Variants in IFRD2 observed in about 807,000 individuals in gnomAD.
IFRD2 encodes interferon-related developmental regulator 2.
IFRD2 carries 35 observed loss-of-function variants against 49.2 expected under a neutral mutation model. The ratio of observed to expected loss-of-function variants is 0.71; its 90% confidence interval spans 0.54 to 0.94. The LOEUF is 0.94. IFRD2 is among the 40% of genes least tolerant of loss of function. The pLI, the probability that IFRD2 is intolerant of heterozygous loss-of-function variation, is 0.00. For missense variants in IFRD2, 561 were observed against 591.6 expected, an observed-to-expected ratio of 0.95 and a Z score of 0.54; for synonymous variants, 275 against 239.7, an observed-to-expected ratio of 1.15 and a Z score of -1.36.
In IFRD2 at chr3:50,290,306, C is replaced by T. The variant is rs782472574; in HGVS notation, c.264-12G>A. Reference sequence around the variant, plus strand: ...GCCGGGTCTTGGCACTGGGGGAGGTCGAGAAGGGGGGTCATATGGGCCAGC... The same window carrying T: ...GCCGGGTCTTGGCACTGGGGGAGGTTGAGAAGGGGGGTCATATGGGCCAGC... On this transcript the variant is annotated splice_polypyrimidine_tract_variant and intron_variant, in intron 3 of 11. Coordinates refer to ENST00000417626, the MANE Select transcript of IFRD2 (RefSeq NM_006764.5). 69 of 1,608,444 alleles carry T rather than the reference C, an allele frequency of 4.3e-5. No individual in the cohort carries two copies. In the Middle Eastern group the frequency reaches 4.9e-4, roughly 12 times the overall value.
chr3:50,289,886 G>A (rs782393663), intron 5 of IFRD2, 43 bp downstream of exon 5: 2 of 1,610,054 alleles, frequency 1.2e-6, no homozygotes, highest in Non-Finnish European at 1.7e-6. Context: ...TCTGCTGAGG[G>A]ATAAGGTGCA....
rs1437989274 is a variant in IFRD2 at position 50,292,205 on chromosome 3, C to G, written c.58+12G>C. The stretch of plus-strand genomic sequence containing the variant: ...GCTCATACAGCTGTCCCGCGCCCCC[C>G]ACCCCACTCACCTCCTCCACGGCGC... On this transcript the variant is annotated intron_variant, in intron 1 of 11. Coordinates refer to ENST00000417626, the MANE Select transcript of IFRD2 (RefSeq NM_006764.5). 2.1e-6 allele frequency: 3 copies of G among 1,455,906 alleles called. No individual in the cohort carries two copies. Among genetic ancestry groups the G allele is most frequent in the African/African-American group, 2.9e-5 (2 of 69,170 alleles). 90.2% of individuals were successfully genotyped at this position (1,455,906 alleles called of 1,614,324 possible).
Position 50,289,265 on chromosome 3 carries a change from C to G in IFRD2, c.875G>C (p.Arg292Pro). 2 of 1,575,964 alleles carry G rather than the reference C, an allele frequency of 1.3e-6. No homozygotes were observed. The highest frequency in any genetic ancestry group is 1.7e-6 in the Non-Finnish European group (2 of 1,161,064). The stretch of plus-strand genomic sequence containing the variant: ...CCTTGTCCCTCGCACCTCAAGGTCC[C>G]GGGCAAGCTCAAAGAGCAGTGCAAT... ...ETIALLFELARDLEEEFVYED... is the reference protein window; with the variant it reads ...ETIALLFELAPDLEEEFVYED... Residue 292 changes from arginine (R) to proline (P), a missense_variant, in exon 8 of 12, where the codon CGG becomes CCG. Physicochemically the swap from Arg to Pro is moderately radical, Grantham distance 103. Transcript: ENST00000417626.
In IFRD2 at chr3:50,290,661, T is replaced by C; in HGVS notation, c.77A>G (p.Gln26Arg). The C allele has an allele frequency of 6.2e-7, 1 of 1,613,832 alleles. No individual in the cohort carries two copies. Among genetic ancestry groups the C allele is most frequent in the Non-Finnish European group, 8.5e-7 (1 of 1,179,834 alleles). ...RRGGGARSSA[Q>R]ADSGSSDDEA... is the part of the protein sequence containing the mutation. ...ATCGTCACTGGAACCCGAGTCAGCT[T>C]GGGCACTGCTCCGGGCACCTGGAGA... is the stretch of plus-strand genomic sequence containing the variant. Residue 26 changes from glutamine to arginine, a missense_variant, in exon 2 of 12, where the codon CAA becomes CGA. Physicochemically the swap from Gln to Arg is conservative, Grantham distance 43. Transcript: ENST00000417626.
intron 5 of IFRD2, 27 bp downstream of exon 5, chr3:50,289,902 G>A: frequency 6.2e-7 from 1 of 1,611,890 alleles, no homozygotes; most frequent in Non-Finnish European, 8.5e-7. Context: ...GTGCAGGAAG[G>A]GTTTCATGGG....
At chr3:50,290,891 T>C (rs1701660066) in intron 1 of IFRD2, among the ~76,000 whole-genome samples, 1 of 152,100 alleles carries the variant, frequency 6.6e-6, no homozygotes, top group Non-Finnish European at 1.5e-5. Context: ...TTGGCTGCTG[T>C]GGCAGAGTTT....
chr3:50,292,260 A>ACGGGCGCGAGGCATGCCGGGAAC lies in IFRD2; in HGVS notation c.-9_14dup (p.Lys6PhefsTer80), dbSNP rs1701692851. The ACGGGCGCGAGGCATGCCGGGAAC allele has an allele frequency of 6.5e-7, 1 of 1,535,104 alleles. No homozygotes were observed. The highest frequency in any genetic ancestry group is 1.2e-5 in the South Asian group (1 of 80,196). On this transcript the variant is annotated frameshift_variant, in exon 1 of 12. Transcript: ENST00000417626. LOFTEE classifies it high-confidence loss of function. Reference sequence around the variant, plus strand: ...CACCCTTCCGGAGCGTGTTGCCCTTACGGGCGCGAGGCATGCCGGGAACCG... The same window carrying ACGGGCGCGAGGCATGCCGGGAAC: ...CACCCTTCCGGAGCGTGTTGCCCTTACGGGCGCGAGGCATGCCGGGAACCGGGCGCGAGGCATGCCGGGAACCG...
chr3:50,291,719 A>G (rs2109277954), intron 1 of IFRD2: 1 of 158,112 alleles, frequency 6.3e-6, no homozygotes, highest in Admixed American at 6.4e-5. Context: ...TCCTGGTCTA[A>G]GCTGATAAGC....
chr3:50,289,587 G>A lies in IFRD2; in HGVS notation c.639C>T (p.Ser213=), dbSNP rs1369000857. 6.3e-6 allele frequency: 10 copies of A among 1,591,560 alleles called. No individual in the cohort carries two copies. In the Admixed American group the frequency reaches 1.4e-4, roughly 23 times the overall value. The change falls in exon 7 of 12, where the codon AGC becomes AGT. Residue 213 remains serine, a synonymous_variant. Coordinates refer to ENST00000417626, the MANE Select transcript of IFRD2 (RefSeq NM_006764.5). ...AGCTGCCCCCCAAGCCATAGAACCGGCTGAAAACACTTTCTAAGCAGGCAA... is the reference window on the plus strand; with the variant it reads ...AGCTGCCCCCCAAGCCATAGAACCGACTGAAAACACTTTCTAAGCAGGCAA... ...SCLACLESVF[S]RFYGLGGSST... is the part of the protein sequence containing the mutation.
chr3:50,288,363 A>G (rs782169802), intron 11 of IFRD2, 46 bp downstream of exon 11: 7 of 1,604,730 alleles, frequency 4.4e-6, no homozygotes. Context: ...CCAGGCCTCC[A>G]GGAAATGGGA....
Position 50,288,208 on chromosome 3 carries a change from G to A in IFRD2, c.1312C>T (p.Arg438Trp), listed in dbSNP as rs782068423. The A allele has an allele frequency of 9.3e-6, 15 of 1,613,646 alleles. No homozygotes were observed. Among genetic ancestry groups the A allele is most frequent in the South Asian group, 4.4e-5 (4 of 91,044 alleles). Residue 438 changes from arginine (R) to tryptophan (W), a missense_variant, in exon 12 of 12, where the codon CGG becomes TGG. Coordinates refer to ENST00000417626, the MANE Select transcript of IFRD2 (RefSeq NM_006764.5). ...GTCCTGCTTCACAGGATGTCTGCCC[G>A]CTTGTCCCGCACACGGCTTCGAGCC... ...TKARSRVRDK[R>W]ADIL
chr3:50,289,895 C>T (rs781953639), intron 5 of IFRD2, 34 bp downstream of exon 5: 1 of 1,611,248 alleles, frequency 6.2e-7, no homozygotes, highest in Non-Finnish European at 8.5e-7. Flanking sequence ...GGATAAGGTG[C>T]AGGAAGGGTT....
intron 11 of IFRD2, 66 bp from the exon 12 acceptor site, chr3:50,288,337 C>T (rs1448365768): frequency 1.9e-6 from 3 of 1,602,272 alleles, no homozygotes; most frequent in African/African-American, 1.3e-5. Context: ...GGTCCTCTTC[C>T]GGCCTCTACA....
Position 50,288,507 on chromosome 3 carries a change from G to C in IFRD2, c.1153-3C>G, listed in dbSNP as rs782456838. 1 of 1,613,850 alleles carries C rather than the reference G, an allele frequency of 6.2e-7. No individual in the cohort carries two copies. Among genetic ancestry groups the C allele is most frequent in the Admixed American group, 1.7e-5 (1 of 59,998 alleles). On this transcript the variant is annotated splice_polypyrimidine_tract_variant and splice_region_variant and intron_variant, in intron 10 of 11. Coordinates refer to ENST00000417626, the MANE Select transcript of IFRD2 (RefSeq NM_006764.5). ...ATGTCACGGAGTAGCTCATTGTTCT[G>C]GGGGGCAGAGGGCAGTGAGCTCAGG...
At chr3:50,290,837 T>C (rs1156305568) in intron 1 of IFRD2, among the ~76,000 whole-genome samples, 158 bp from the exon 2 acceptor site, 2 of 152,112 alleles carry the variant, frequency 1.3e-5, no homozygotes, top group Middle Eastern at 3.2e-3. Flanking sequence ...GGTGCACTCC[T>C]GTGTGTGGGG....
rs587735654 is a variant in IFRD2, at chr3:50,288,887, A to T, written c.936T>A (p.Thr312=). 13 of 1,613,470 alleles carry T rather than the reference A, an allele frequency of 8.1e-6. No individual in the cohort carries two copies. In the East Asian group the frequency reaches 1.3e-4, roughly 17 times the overall value. ...DMEALCSVLR[T]LATDSNKYRA... The stretch of plus-strand genomic sequence containing the variant: ...GGTACTTGTTACTGTCAGTGGCCAG[A>T]GTGCGCAGGACACTGCAGAGGGCCT... Residue 312 remains threonine (T), a synonymous_variant, in exon 9 of 12, where the codon ACT becomes ACA. Coordinates refer to ENST00000417626, the MANE Select transcript of IFRD2 (RefSeq NM_006764.5).
chr3:50,289,682 C>T, intron 6 of IFRD2, 30 bp downstream of exon 6: 1 of 1,596,188 alleles, frequency 6.3e-7, no homozygotes, highest in Non-Finnish European at 8.5e-7. Flanking sequence ...GCCCTAGATG[C>T]TCTACCACCT....
intron 1 of IFRD2, 37 bp from the exon 2 acceptor site, chr3:50,290,716 A>G (rs782785157): frequency 6.2e-7 from 1 of 1,606,276 alleles, no homozygotes; most frequent in Non-Finnish European, 8.5e-7. Context: ...ACTTGCCTCT[A>G]CTGATGAGGG....
In IFRD2 at chr3:50,292,296, GC is replaced by G; in HGVS notation, c.-23del. The stretch of plus-strand genomic sequence containing the variant: ...GCATGCCGGGAACCGGGCGCGGGGG[GC>G]GCGGGGTCAGGGACCCGGTGGGTGT... On this transcript the variant is annotated 5_prime_UTR_variant, in exon 1 of 12. Transcript: ENST00000417626. The G allele has an allele frequency of 6.4e-7, 1 of 1,555,840 alleles. No individual in the cohort carries two copies. Among genetic ancestry groups the G allele is most frequent in the Admixed American group, 2.0e-5 (1 of 50,452 alleles).
Sources: gnomAD v4.1 joint callset for allele counts (sites outside exome capture counted in the v4.1 genomes callset) on GRCh38, gnomAD v4.1.1 for gene constraint, MANE v1.5 for transcripts, NCBI Gene and HGNC (gene_info 2026-07-23, HGNC 2026-07-21) for gene names.